MADD: variants seen among roughly 807,000 people sequenced by gnomAD.
MADD encodes the protein MAP kinase-activating death domain protein.
MADD carries 109 observed loss-of-function variants against 176.7 expected under a neutral mutation model. The observed-to-expected ratio is 0.62, with a 90% CI of 0.53 to 0.72. The LOEUF is 0.72. Ranked by LOEUF, MADD falls within the 30% of genes least tolerant of loss-of-function variation. The pLI is 0.00. For synonymous variants in MADD, 771 were observed against 771.3 expected (o/e 1.00, Z 0.01); for missense variants, 1,914 against 2,045.5 (o/e 0.94, Z 1.24).
chr11:47,301,203 C>G (rs1005751037), intron 22 of MADD, among the ~76,000 whole-genome samples: 1 of 152,022 alleles, frequency 6.6e-6, no homozygotes, highest in Non-Finnish European at 1.5e-5. Context: ...GTCTCCACCT[C>G]CCAGGTTCAA....
exon 19 of MADD, chr11:47,290,797 A>C (rs2064456716): frequency 1.2e-6 from 2 of 1,612,198 alleles, no homozygotes; most frequent in Non-Finnish European, 1.7e-6. Context: ...TAAAGGAAGA[A>C]AATTTTATAG....
chr11:47,321,058 C>T (rs1188778693), intron 27 of MADD, among the ~76,000 whole-genome samples: 1 of 152,198 alleles, frequency 6.6e-6, no homozygotes, highest in Non-Finnish European at 1.5e-5. Context: ...TTTAAAATTT[C>T]GGTAGATTTT....
At chr11:47,275,992 C>A in exon 4 of MADD, 6 of 1,614,170 alleles carry the variant, frequency 3.7e-6, no homozygotes, top group Non-Finnish European at 8.5e-7. Context: ...AGGCCTGGAT[C>A]TATCGATTGC....
chr11:47,324,081 T>C lies in MADD; in HGVS notation c.4363-184T>C, dbSNP rs2095035364. 6.2e-6 allele frequency: 4 copies of C among 647,986 alleles called. No individual in the cohort carries two copies. The East Asian group carries it at 1.1e-4, about 18-fold the overall frequency. The allele number at this position is 647,986 out of a possible 1,614,324, so 40.1% of individuals were successfully genotyped here. On this transcript the variant is annotated intron_variant, in intron 28 of 32. Transcript: ENST00000402192. ...ACCCATGCCTTCTTTAAAGCCATACTATTCATATGCTCCGGATCTATCATT... is the reference window on the plus strand; with the variant it reads ...ACCCATGCCTTCTTTAAAGCCATACCATTCATATGCTCCGGATCTATCATT...
chr11:47,285,438 C>G lies in MADD; in HGVS notation c.2412-13C>G. ...CCCTGCCTGGGGATCATAGGTGCCT[C>G]TGTGCATTCAAGGGCTCAAAAGCTG... On this transcript the variant is annotated splice_polypyrimidine_tract_variant and intron_variant, in intron 13 of 32. Coordinates refer to ENST00000402192, the Ensembl canonical transcript of MADD. 1 of 1,614,068 alleles carries G rather than the reference C, an allele frequency of 6.2e-7. No homozygotes were observed. Among genetic ancestry groups the G allele is most frequent in the Non-Finnish European group, 8.5e-7 (1 of 1,180,008 alleles).
At chr11:47,324,281 A>C in exon 29 of MADD, 4 of 1,614,170 alleles carry the variant, frequency 2.5e-6, no homozygotes, top group Non-Finnish European at 3.4e-6. Context: ...GAGCTGTACT[A>C]CTGTGTGAAG....
rs527842696 is a variant in MADD, at chr11:47,308,952, A to G, written c.3751+253A>G. ...TTCCTTTCTTTCCTTTCTTGCTACC[A>G]TGGTCCTTCCTGCTCTCAAATTGGC... On this transcript the variant is annotated intron_variant, in intron 23 of 32. Coordinates refer to ENST00000402192, the Ensembl canonical transcript of MADD. The G allele has an allele frequency of 8.7e-6, 14 of 1,603,056 alleles. No individual in the cohort carries two copies. The East Asian group carries it at 1.3e-4, about 15-fold the overall frequency.
chr11:47,292,708 C>T (rs566489520), intron 19 of MADD, 112 bp downstream of exon 21: 18 of 1,026,348 alleles, frequency 1.8e-5, no homozygotes, highest in East Asian at 1.2e-4. Flanking sequence ...GCTCTTAGAG[C>T]GTGTTTGGAA....
chr11:47,286,756 C>T (rs1307520382), intron 15 of MADD, among the ~76,000 whole-genome samples: 2 of 152,180 alleles, frequency 1.3e-5, no homozygotes, highest in African/African-American at 4.8e-5. Context: ...AGGACAATGG[C>T]AACTGTGGGA....
At chr11:47,295,753 T>A (rs1368004440) in intron 21 of MADD, 144 bp from the exon 24 acceptor site, 2 of 1,519,700 alleles carry the variant, frequency 1.3e-6, no homozygotes, top group African/African-American at 2.8e-5. Flanking sequence ...GAGCTTCTCA[T>A]CTTATAAAGA....
intron 7 of MADD, 127 bp downstream of exon 7, chr11:47,279,206 G>T: frequency 1.2e-6 from 1 of 833,152 alleles, no homozygotes; most frequent in Non-Finnish European, 1.9e-6. Flanking sequence ...ACCCTGGATG[G>T]GCTTAAGAAA....
chr11:47,285,318 G>A (rs1386243652), intron 13 of MADD, 124 bp downstream of exon 13: 3 of 1,550,802 alleles, frequency 1.9e-6, no homozygotes, highest in East Asian at 2.2e-5. Flanking sequence ...CATCCCCAGA[G>A]GATGGTGTTC....
intron 27 of MADD, among the ~76,000 whole-genome samples, chr11:47,318,067 G>A (rs879483100): frequency 6.6e-6 from 1 of 152,096 alleles, no homozygotes; most frequent in African/African-American, 2.4e-5. Context: ...ATCACGCCTG[G>A]CTACTTTTAT....
At chr11:47,284,202 C>T (rs1394772264) in exon 11 of MADD, 12 of 1,613,608 alleles carry the variant, frequency 7.4e-6, no homozygotes, top group African/African-American at 2.7e-5. Flanking sequence ...TGGATTATGA[C>T]GATTCAAGCT....
At chr11:47,323,999 C>A in intron 28 of MADD, 164 bp downstream of exon 31, 1 of 734,428 alleles carries the variant, frequency 1.4e-6, no homozygotes, top group Non-Finnish European at 2.2e-6. Flanking sequence ...CCAACTAGGC[C>A]TAATAGTAGT....
chr11:47,284,502 G>C (rs1305962134), exon 12 of MADD: 1 of 1,614,088 alleles, frequency 6.2e-7, no homozygotes, highest in South Asian at 1.1e-5. Flanking sequence ...ACCCCCCACT[G>C]CGCTCCAGCT....
intron 1 of MADD, among the ~76,000 whole-genome samples, chr11:47,272,564 G>A (rs1231800717): frequency 6.6e-6 from 1 of 152,064 alleles, no homozygotes; most frequent in Non-Finnish European, 1.5e-5. Context: ...GTAGAATCCT[G>A]GAACACTAGA....
At chr11:47,276,239 A>G (rs746864887) in intron 4 of MADD, 37 bp downstream of exon 4, 2 of 1,550,108 alleles carry the variant, frequency 1.3e-6, no homozygotes, top group Admixed American at 1.9e-5. Flanking sequence ...CTAGGGGAGA[A>G]ACTCTTAAAT....
chr11:47,275,195 T>G lies in MADD; in HGVS notation c.659+36T>G, dbSNP rs1217208036. 12 of 1,553,168 alleles carry G rather than the reference T, an allele frequency of 7.7e-6. No homozygotes were observed. In the Admixed American group the frequency reaches 2.2e-4, roughly 28 times the overall value. ...CTGCTGATGCCTAATGGGGGAAGCA[T>G]TTAGAGATTCCATGTAATTGGTCTT... On this transcript the variant is annotated intron_variant, in intron 3 of 32. Transcript: ENST00000402192.
Sources: gnomAD v4.1 joint callset for allele counts (sites outside exome capture counted in the v4.1 genomes callset) on GRCh38, gnomAD v4.1.1 for gene constraint, MANE v1.5 for transcripts, NCBI Gene and HGNC (gene_info 2026-07-23, HGNC 2026-07-21) for gene names.